HUWE1: variants seen among roughly 807,000 people sequenced by gnomAD.
The protein encoded by HUWE1 is HECT, UBA and WWE domain containing E3 ubiquitin protein ligase 1, also known as E3 ubiquitin-protein ligase HUWE1.
A neutral mutation model predicts 299.4 loss-of-function variants in HUWE1; 18 were observed. The observed-to-expected ratio is 0.06, with a 90% CI of 0.04 to 0.09. The LOEUF (loss-of-function observed/expected upper bound fraction) is 0.09, where lower values mean the gene tolerates loss of function less well. HUWE1 is among the 10% of genes least tolerant of loss of function. The pLI, the probability that HUWE1 is intolerant of heterozygous loss-of-function variation, is 1.00. For synonymous variants in HUWE1, 1,317 were observed against 1,286.1 expected (o/e 1.02, Z -0.51); for missense variants, 1,832 against 3,462.3 (o/e 0.53, Z 11.82).
chrX:53,600,230 G>T lies in HUWE1; in HGVS notation c.3051C>A (p.Asp1017Glu). ...GLLEGIGLDG[D>E]TLAPMETDEP... ...CATCTGTCTCCATGGGAGCCAATGTGTCACCATCTAGCCCAATGCCTTCTA... is the reference window on the plus strand; with the variant it reads ...CATCTGTCTCCATGGGAGCCAATGTTTCACCATCTAGCCCAATGCCTTCTA... Residue 1017 changes from aspartate (D) to glutamate (E), a missense_variant, in exon 29 of 84, where the codon GAC (aspartate) becomes GAA (glutamate). By Grantham distance (45) the Asp-to-Glu change is conservative. This residue lies in a region of HUWE1 where 658 missense variants were observed against 1,282.6 expected (regional missense o/e 0.51). Coordinates refer to ENST00000262854, the MANE Select transcript of HUWE1 (RefSeq NM_031407.7). 8.3e-7 allele frequency: 1 copy of T among 1,208,996 alleles called. No homozygotes were observed. The highest frequency in any genetic ancestry group is 1.1e-6 in the Non-Finnish European group (1 of 893,022).
chrX:53,604,006 ATT>A (rs2065028062), intron 26 of HUWE1, among the ~76,000 whole-genome samples: 1 of 111,778 alleles, frequency 8.9e-6, no homozygotes, highest in African/African-American at 3.3e-5. Context: ...TAAACTTCAG[ATT>A]TGATTGATTC....
At chrX:53,575,855 C>G in intron 44 of HUWE1, 67 bp from the exon 45 acceptor site, 2 of 1,073,161 alleles carry the variant, frequency 1.9e-6, no homozygotes, top group South Asian at 1.9e-5. Context: ...ATGTTAAGGC[C>G]TATCTAGTCA....
chrX:53,575,862 G>A, intron 44 of HUWE1, 74 bp from the exon 45 acceptor site: 1 of 1,023,512 alleles, frequency 9.8e-7, no homozygotes, highest in Non-Finnish European at 1.4e-6. Context: ...GGCCTATCTA[G>A]TCAGTCTTGG....
chrX:53,617,490 C>A (rs782075220), intron 19 of HUWE1, 44 bp from the exon 20 acceptor site: 1 of 823,649 alleles, frequency 1.2e-6, no homozygotes, highest in Non-Finnish European at 1.8e-6. Flanking sequence ...AGATTCCTCA[C>A]AGAAACTGAA....
chrX:53,590,216 T>C (rs2064085691), intron 35 of HUWE1, among the ~76,000 whole-genome samples, 188 bp downstream of exon 35: 1 of 112,328 alleles, frequency 8.9e-6, no homozygotes, highest in Admixed American at 9.4e-5. Context: ...TTCATATGCC[T>C]CCCTTAAAGC....
At chrX:53,633,829 C>A (rs1355670813) in intron 8 of HUWE1, among the ~76,000 whole-genome samples, 1 of 112,073 alleles carries the variant, frequency 8.9e-6, no homozygotes, top group Non-Finnish European at 1.9e-5. Context: ...CTCAATAAAC[C>A]TAATGGTAGA....
chrX:53,546,288 T>C (rs782096952), intron 70 of HUWE1, 148 bp downstream of exon 70: 6 of 557,091 alleles, frequency 1.1e-5, no homozygotes, highest in African/African-American at 4.6e-5. Context: ...CAGGGTAATC[T>C]GTGTTACGAC....
intron 46 of HUWE1, 126 bp from the exon 47 acceptor site, chrX:53,574,090 G>A: frequency 1.8e-6 from 1 of 554,861 alleles, no homozygotes; most frequent in South Asian, 2.6e-5. Context: ...ATGCTCTCGT[G>A]ACACTGCAGT....
chrX:53,601,793 C>T (rs1042801853), intron 28 of HUWE1, among the ~76,000 whole-genome samples: 3 of 109,092 alleles, frequency 2.7e-5, no homozygotes, highest in African/African-American at 6.7e-5. Context: ...CTCAGCCTCC[C>T]GAGTAGCTGG....
intron 19 of HUWE1, among the ~76,000 whole-genome samples, chrX:53,619,174 T>C (rs1469538178): frequency 2.7e-5 from 3 of 111,324 alleles, no homozygotes; most frequent in Admixed American, 9.5e-5. Context: ...GGCAGATATA[T>C]AGCAGTTACC....
chrX:53,557,482 G>A (rs2062075950), intron 59 of HUWE1, 55 bp from the exon 60 acceptor site: 15 of 977,295 alleles, frequency 1.5e-5, no homozygotes, highest in Non-Finnish European at 1.9e-5. Flanking sequence ...TAAGATAGAG[G>A]TCAACTGTAA....
At chrX:53,592,306 G>A in intron 33 of HUWE1, 92 bp downstream of exon 33, 1 of 623,687 alleles carries the variant, frequency 1.6e-6, no homozygotes, top group Non-Finnish European at 2.7e-6. Flanking sequence ...TGTGACCAGG[G>A]ACTCAGTGGT....
intron 3 of HUWE1, among the ~76,000 whole-genome samples, chrX:53,677,595 TAAA>T (rs144242491): frequency 3.0e-5 from 2 of 66,780 alleles, no homozygotes; most frequent in Non-Finnish European, 3.0e-5. Flanking sequence ...ATTGGAAGTT[TAAA>T]AAAAAAAAAA....
At chrX:53,590,612 G>A in intron 34 of HUWE1, 113 bp from the exon 35 acceptor site, 1 of 588,544 alleles carries the variant, frequency 1.7e-6, no homozygotes, top group Admixed American at 2.4e-5. Context: ...TAAAGAGAGA[G>A]GAAGGGCCTC....
intron 4 of HUWE1, among the ~76,000 whole-genome samples, chrX:53,648,546 AAAAC>A (rs1480288129): frequency 9.6e-6 from 1 of 104,644 alleles, no homozygotes; most frequent in African/African-American, 3.9e-5. Context: ...AAAACAAAAA[AAAAC>A]AAAAAACAAA....
Position 53,576,910 on chromosome X carries a change from A to G in HUWE1, c.5874T>C (p.Ala1958=). 6.6e-6 allele frequency: 8 copies of G among 1,210,576 alleles called. No homozygotes were observed. Among genetic ancestry groups the G allele is most frequent in the Non-Finnish European group, 7.8e-6 (7 of 894,536 alleles). The stretch of plus-strand genomic sequence containing the variant: ...AGGCTAGCCACATACCTTCCTCTGG[A>G]GCATGGTATGCAGCCAGAGCATTCA... ...DMLNALAAYH[A]PEEADKSDPK... Residue 1958 remains alanine (A), a synonymous_variant, in exon 44 of 84, where the codon GCT becomes GCC. Coordinates refer to ENST00000262854, the MANE Select transcript of HUWE1 (RefSeq NM_031407.7).
At chrX:53,679,826 G>A (rs1177079326) in intron 3 of HUWE1, among the ~76,000 whole-genome samples, 1 of 110,780 alleles carries the variant, frequency 9.0e-6, no homozygotes, top group Non-Finnish European at 1.9e-5. Flanking sequence ...CGATGCCTAG[G>A]GTGATTTAAA....
intron 60 of HUWE1, chrX:53,556,243 G>C (rs1214041940): frequency 5.8e-6 from 2 of 343,919 alleles, no homozygotes; most frequent in Non-Finnish European, 1.2e-5. Flanking sequence ...ACACACCAGG[G>C]AAAGTAGTAA....
intron 44 of HUWE1, 58 bp from the exon 45 acceptor site, chrX:53,575,846 T>C: frequency 9.0e-7 from 1 of 1,105,047 alleles, no homozygotes; most frequent in Non-Finnish European, 1.2e-6. Context: ...AATTGGACAA[T>C]GTTAAGGCCT....
Sources: allele counts gnomAD v4.1 joint callset (sites outside exome capture counted in the v4.1 genomes callset), GRCh38; gene constraint gnomAD v4.1.1; regional missense constraint gnomAD v4.1.1; transcripts MANE v1.5; gene names NCBI Gene and HGNC (gene_info 2026-07-23, HGNC 2026-07-21).